The following RORA variants were observed in gnomAD, a reference collection of about 807,000 sequenced individuals.
RORA encodes RAR related orphan receptor A, also known as nuclear receptor ROR-alpha.
Under a neutral mutation model 69.5 loss-of-function variants are expected in RORA, and 7 were observed. The observed-to-expected ratio is 0.10, with a 90% confidence interval of 0.06 to 0.19. RORA has a LOEUF of 0.19. Ranked by LOEUF, RORA falls within the 10% of genes least tolerant of loss-of-function variation. The probability of loss-of-function intolerance (pLI) is 1.00; values close to 1 mark genes in which losing one functional copy is unlikely to be tolerated. For missense variants in RORA, 457 were observed against 663.0 expected, an observed-to-expected ratio of 0.69 and a Z score of 3.41; for synonymous variants, 261 against 240.8, an observed-to-expected ratio of 1.08 and a Z score of -0.78.
intron 1 of RORA, among the ~76,000 whole-genome samples, chr15:60,828,155 C>G (rs566601830): frequency 5.5e-4 from 83 of 152,238 alleles, no homozygotes; most frequent in African/African-American, 1.7e-3. Context: ...GAGGAGACAG[C>G]TATGAGGGAG....
At chr15:60,718,071 G>A (rs1292949404) in intron 1 of RORA, among the ~76,000 whole-genome samples, 1 of 152,126 alleles carries the variant, frequency 6.6e-6, no homozygotes, top group Non-Finnish European at 1.5e-5. Context: ...TGGGATTACA[G>A]GCACATTGCA....
intron 1 of RORA, among the ~76,000 whole-genome samples, chr15:60,732,257 A>G (rs922447111): frequency 1.3e-5 from 2 of 152,240 alleles, no homozygotes; most frequent in Non-Finnish European, 2.9e-5. Flanking sequence ...CAAGGAAAAC[A>G]GAGACTGAAT....
intron 1 of RORA, among the ~76,000 whole-genome samples, chr15:60,786,973 T>C (rs1030735104): frequency 6.6e-6 from 1 of 152,140 alleles, no homozygotes; most frequent in South Asian, 2.1e-4. Context: ...TCAGGAACCA[T>C]GGGGTGGTGT....
At chr15:61,080,941 A>G (rs1329042380) in intron 1 of RORA, among the ~76,000 whole-genome samples, 2 of 152,142 alleles carry the variant, frequency 1.3e-5, no homozygotes, top group Non-Finnish European at 2.9e-5. Flanking sequence ...TAGAATTACA[A>G]CCATTTTGTC....
At chr15:61,065,358 T>C (rs2078242506) in intron 1 of RORA, among the ~76,000 whole-genome samples, 1 of 152,220 alleles carries the variant, frequency 6.6e-6, no homozygotes, top group African/African-American at 2.4e-5. Context: ...TAAGTTAAAC[T>C]GCCATTTTCC....
intron 3 of RORA, among the ~76,000 whole-genome samples, chr15:60,519,529 T>C (rs920529383): frequency 6.6e-6 from 1 of 152,172 alleles, no homozygotes; most frequent in African/African-American, 2.4e-5. Flanking sequence ...CCTCCTTAGT[T>C]GTTCTCATAT....
At chr15:60,625,084 T>C (rs1186223027) in intron 2 of RORA, among the ~76,000 whole-genome samples, 1 of 152,098 alleles carries the variant, frequency 6.6e-6, no homozygotes, top group East Asian at 1.9e-4. Flanking sequence ...CCCGCTACAA[T>C]GTGGAAAAGA....
chr15:61,010,337 T>G (rs1418889756), intron 1 of RORA, among the ~76,000 whole-genome samples: 6 of 152,228 alleles, frequency 3.9e-5, no homozygotes, highest in African/African-American at 1.4e-4. Context: ...CCATCTGAGA[T>G]GTCCCTGAAG....
chr15:60,786,844 A>C (rs184636574), intron 1 of RORA, among the ~76,000 whole-genome samples: 47 of 152,356 alleles, frequency 3.1e-4, no homozygotes, highest in Non-Finnish European at 6.8e-4. Context: ...GTGCGAGTGC[A>C]GGTAAAGTCT....
Position 60,488,835 on chromosome 15 carries a change from T to C in RORA, c.*8620A>G, listed in dbSNP as rs1456100781. 6.6e-6 allele frequency: 1 copy of C among 151,900 alleles called. No homozygotes were observed. The highest frequency in any genetic ancestry group is 1.5e-5 in the Non-Finnish European group (1 of 67,934). 9.4% of individuals were successfully genotyped at this position (151,900 alleles called of 1,614,324 possible). ...ACAGAAGTTTGTGAAATTTGTGTGC[T>C]TAATCCTCAAGACCTACACACAATT... On this transcript the variant is annotated 3_prime_UTR_variant, in exon 11 of 11. Coordinates refer to ENST00000335670, the MANE Select transcript of RORA (RefSeq NM_134261.3).
intron 1 of RORA, among the ~76,000 whole-genome samples, chr15:61,205,577 C>T (rs1171741957): frequency 2.6e-5 from 4 of 152,124 alleles, no homozygotes; most frequent in Non-Finnish European, 5.9e-5. Context: ...CTAGCACATC[C>T]GTCTCAGGCC....
chr15:60,957,382 C>CTG (rs1893299771), intron 1 of RORA, among the ~76,000 whole-genome samples: 1 of 152,220 alleles, frequency 6.6e-6, no homozygotes, highest in Non-Finnish European at 1.5e-5. Context: ...TGCCTGTCAT[C>CTG]CTTCAGCATG....
chr15:60,985,492 C>T (rs1462786613), intron 1 of RORA, among the ~76,000 whole-genome samples: 1 of 150,524 alleles, frequency 6.6e-6, no homozygotes, highest in Non-Finnish European at 1.5e-5. Flanking sequence ...CCTGTATGTT[C>T]AAAAGCCATA....
chr15:60,954,298 G>T (rs1203965469), intron 1 of RORA, among the ~76,000 whole-genome samples: 4 of 129,844 alleles, frequency 3.1e-5, no homozygotes, highest in Non-Finnish European at 6.5e-5. Context: ...GTGGTGGGGT[G>T]GGGGGTGGGG....
intron 1 of RORA, among the ~76,000 whole-genome samples, chr15:60,959,999 A>G (rs1345704623): frequency 1.3e-5 from 2 of 152,122 alleles, no homozygotes; most frequent in Admixed American, 6.5e-5. Flanking sequence ...TAGCCAGTAT[A>G]GATTGTAAAA....
intron 1 of RORA, among the ~76,000 whole-genome samples, chr15:60,997,856 G>T (rs1240703042): frequency 6.6e-6 from 1 of 152,138 alleles, no homozygotes; most frequent in Non-Finnish European, 1.5e-5. Flanking sequence ...TTTAAGAATT[G>T]CCCATGATAA....
At chr15:60,549,643 T>G (rs946601471) in intron 2 of RORA, among the ~76,000 whole-genome samples, 1 of 152,184 alleles carries the variant, frequency 6.6e-6, no homozygotes, top group Non-Finnish European at 1.5e-5. Flanking sequence ...TATGTGTGTG[T>G]GGGAGGGAGG....
chr15:61,114,774 C>T (rs1002412453), intron 1 of RORA, among the ~76,000 whole-genome samples: 5 of 152,180 alleles, frequency 3.3e-5, no homozygotes, highest in African/African-American at 1.2e-4. Flanking sequence ...AGCAAGTGCA[C>T]TCCTTCTGAT....
chr15:60,552,857 C>A (rs566759058), intron 2 of RORA, among the ~76,000 whole-genome samples: 16 of 152,260 alleles, frequency 1.1e-4, no homozygotes, highest in South Asian at 2.1e-4. Flanking sequence ...ACATCTAGGG[C>A]TGGGCTACAA....
Sources: allele counts gnomAD v4.1 joint callset (sites outside exome capture counted in the v4.1 genomes callset), GRCh38; gene constraint gnomAD v4.1.1; transcripts MANE v1.5; gene names NCBI Gene and HGNC (gene_info 2026-07-23, HGNC 2026-07-21).